ZNF407: variants seen among roughly 807,000 people sequenced by gnomAD.
The protein encoded by ZNF407 is zinc finger protein 407.
In ZNF407, 17 loss-of-function variants were observed where a neutral mutation model predicts 131.2. The ratio of observed to expected loss-of-function variants is 0.13; its 90% confidence interval spans 0.09 to 0.19. The LOEUF (loss-of-function observed/expected upper bound fraction) is 0.19, where lower values mean the gene tolerates loss of function less well. Ranked by LOEUF, ZNF407 falls within the 10% of genes least tolerant of loss-of-function variation. ZNF407 has a pLI of 1.00. For missense variants in ZNF407, 2,681 were observed against 2,830.6 expected, an observed-to-expected ratio of 0.95 and a Z score of 1.20; for synonymous variants, 1,156 against 1,062.0, an observed-to-expected ratio of 1.09 and a Z score of -1.72.
At chr18:74,823,706 A>G (rs1224387967) in intron 4 of ZNF407, among the ~76,000 whole-genome samples, 2 of 152,230 alleles carry the variant, frequency 1.3e-5, no homozygotes, top group African/African-American at 4.8e-5. Flanking sequence ...ACCCAGATTC[A>G]TAAAGCAAGT....
At chr18:74,906,127 C>G (rs1172505012) in intron 7 of ZNF407, among the ~76,000 whole-genome samples, 2 of 152,170 alleles carry the variant, frequency 1.3e-5, no homozygotes, top group African/African-American at 4.8e-5. Flanking sequence ...TCCTGCAGTA[C>G]CCCTTGTAGG....
At chr18:74,624,265 G>A (rs1466394922) in intron 1 of ZNF407, among the ~76,000 whole-genome samples, 1 of 152,128 alleles carries the variant, frequency 6.6e-6, no homozygotes, top group Non-Finnish European at 1.5e-5. Flanking sequence ...AGAAAAATGA[G>A]GCCTTAAACT....
intron 4 of ZNF407, among the ~76,000 whole-genome samples, chr18:74,863,176 C>T (rs1970961952): frequency 6.6e-6 from 1 of 151,930 alleles, no homozygotes; most frequent in African/African-American, 2.4e-5. Flanking sequence ...CCACCTCGGC[C>T]TCCCAAATTG....
chr18:74,687,971 A>G (rs1474407429), intron 3 of ZNF407, among the ~76,000 whole-genome samples: 1 of 152,198 alleles, frequency 6.6e-6, no homozygotes, highest in Non-Finnish European at 1.5e-5. Flanking sequence ...TGAATTAAAA[A>G]GATTAGGCTT....
intron 5 of ZNF407, among the ~76,000 whole-genome samples, chr18:74,878,527 G>A (rs187888264): frequency 3.2e-4 from 49 of 152,172 alleles, no homozygotes; most frequent in South Asian, 2.9e-3. Context: ...TATCGTCGGC[G>A]TTTCCTTCTA....
At chr18:74,890,157 G>C in intron 7 of ZNF407, 119 bp downstream of exon 7, 1 of 1,148,232 alleles carries the variant, frequency 8.7e-7, no homozygotes, top group East Asian at 3.1e-5. Context: ...TATTCGGTTG[G>C]GAGCTAATTA....
At chr18:74,806,646 G>A (rs2145080949) in intron 4 of ZNF407, among the ~76,000 whole-genome samples, 1 of 152,334 alleles carries the variant, frequency 6.6e-6, no homozygotes, top group Middle Eastern at 3.4e-3. Context: ...TCTAGCAGAG[G>A]ATGATTAAGA....
rs889208392 is a variant in ZNF407, at chr18:74,967,231, A to G, written c.5428+46539A>G. Among the ~76,000 whole-genome samples, 3 of 152,360 alleles carry G rather than the reference A, an allele frequency of 2.0e-5. No individual in the cohort carries two copies. In the South Asian group the frequency reaches 6.2e-4, roughly 32 times the overall value. ...TGCTGCACTCCATCCTGGGCGACAGAGACCCTAACACGAAAAAAGAAAGAA... is the reference window on the plus strand; with the variant it reads ...TGCTGCACTCCATCCTGGGCGACAGGGACCCTAACACGAAAAAAGAAAGAA... On this transcript the variant is annotated intron_variant, in intron 8 of 8. Coordinates refer to ENST00000299687, the MANE Select transcript of ZNF407 (RefSeq NM_017757.3).
intron 4 of ZNF407, among the ~76,000 whole-genome samples, chr18:74,820,538 C>T (rs998864698): frequency 2.6e-5 from 4 of 152,214 alleles, no homozygotes; most frequent in Non-Finnish European, 5.9e-5. Flanking sequence ...AAGTGAAAGA[C>T]TGCAGTGCTG....
intron 8 of ZNF407, among the ~76,000 whole-genome samples, chr18:74,966,952 T>C (rs1972416681): frequency 6.6e-6 from 1 of 152,218 alleles, no homozygotes; most frequent in African/African-American, 2.4e-5. Context: ...TTATTTTTTA[T>C]GTCCCAAATT....
intron 8 of ZNF407, among the ~76,000 whole-genome samples, chr18:75,009,739 T>A (rs7226697): frequency 0.75 from 113,003 of 151,642 alleles, 43,207 homozygotes; most frequent in Non-Finnish European, 0.83. Flanking sequence ...ATAGATAGCT[T>A]CAGTAACTTA....
intron 3 of ZNF407, among the ~76,000 whole-genome samples, chr18:74,662,023 T>G (rs958685545): frequency 6.6e-6 from 1 of 152,102 alleles, no homozygotes. Context: ...TGTCTGTGCT[T>G]AAATCATAAA....
Position 74,752,746 on chromosome 18 carries a change from G to A in ZNF407, c.4803-28682G>A, listed in dbSNP as rs540531823. 3.3e-5 allele frequency among the ~76,000 whole-genome samples: 5 copies of A among 152,186 alleles called. No individual in the cohort carries two copies. The South Asian group carries it at 1.0e-3, about 32-fold the overall frequency. On this transcript the variant is annotated intron_variant, in intron 3 of 8. Transcript: ENST00000299687. Reference sequence around the variant, plus strand: ...TCCATTGGTTTATATCTCTGTTTTGGTACCAGTACCATGCTGTTTTGGTTA... The same window carrying A: ...TCCATTGGTTTATATCTCTGTTTTGATACCAGTACCATGCTGTTTTGGTTA...
At chr18:75,014,484 C>CT (rs1568301263) in intron 8 of ZNF407, among the ~76,000 whole-genome samples, 1 of 152,034 alleles carries the variant, frequency 6.6e-6, no homozygotes, top group Non-Finnish European at 1.5e-5. Context: ...TCAAGTAACT[C>CT]TGAGTTTGCT....
chr18:75,017,778 T>C (rs2122195728), intron 8 of ZNF407, among the ~76,000 whole-genome samples: 2 of 152,304 alleles, frequency 1.3e-5, no homozygotes, highest in Non-Finnish European at 2.9e-5. Flanking sequence ...TGCTTCGACC[T>C]TGTGCTGCTC....
At chr18:75,017,611 T>C (rs1973060229) in intron 8 of ZNF407, among the ~76,000 whole-genome samples, 1 of 152,190 alleles carries the variant, frequency 6.6e-6, no homozygotes, top group South Asian at 2.1e-4. Flanking sequence ...TTTGAAGAAC[T>C]GAGTAGCTCA....
At chr18:74,916,274 AGTGT>A (rs1277439476) in intron 7 of ZNF407, among the ~76,000 whole-genome samples, 1 of 92,514 alleles carries the variant, frequency 1.1e-5, no homozygotes, top group Non-Finnish European at 2.0e-5. Context: ...TCGAATCGGG[AGTGT>A]GTGTGTGTGT....
chr18:74,784,273 A>G (rs916991178), intron 4 of ZNF407, among the ~76,000 whole-genome samples: 3 of 152,378 alleles, frequency 2.0e-5, no homozygotes, highest in Middle Eastern at 3.4e-3. Flanking sequence ...ATTCTAATGC[A>G]TTGCATATTA....
At chr18:74,625,327 T>C (rs141741090) in intron 1 of ZNF407, among the ~76,000 whole-genome samples, 3 of 151,726 alleles carry the variant, frequency 2.0e-5, no homozygotes, top group Non-Finnish European at 2.9e-5. Context: ...GTGTTCGCTC[T>C]AAGCAAATGT....
Sources: allele counts gnomAD v4.1 joint callset (sites outside exome capture counted in the v4.1 genomes callset), GRCh38; gene constraint gnomAD v4.1.1; transcripts MANE v1.5; gene names NCBI Gene and HGNC (gene_info 2026-07-23, HGNC 2026-07-21).